Variants in UNC13C observed in about 807,000 individuals in gnomAD.
UNC13C encodes the protein protein unc-13 homolog C.
In UNC13C, 174 loss-of-function variants were observed where a neutral mutation model predicts 245.4. That is an observed-to-expected ratio of 0.71 (90% CI 0.63 to 0.80). The LOEUF is 0.80. Ranked by LOEUF, UNC13C falls within the 30% of genes least tolerant of loss-of-function variation. The pLI, the probability that UNC13C is intolerant of heterozygous loss-of-function variation, is 0.00. For missense variants in UNC13C, 2,829 were observed against 2,602.9 expected (o/e 1.09, Z -1.89); for synonymous variants, 992 against 895.1 (o/e 1.11, Z -1.93).
At chr15:54,599,260 C>T (rs1223110623) in intron 30 of UNC13C, among the ~76,000 whole-genome samples, 1 of 152,028 alleles carries the variant, frequency 6.6e-6, no homozygotes, top group Non-Finnish European at 1.5e-5. Flanking sequence ...ATACAAATCC[C>T]TGCTTCAAGA....
At chr15:53,906,980 A>G in the UNC13C span, among the ~76,000 whole-genome samples, 6 of 144,418 alleles carry the variant, frequency 4.2e-5, no homozygotes, top group Non-Finnish European at 7.8e-5. Context: ...TCATAATCCA[A>G]CCACCCCCCT....
chr15:54,385,380 A>T (rs1368061460), intron 17 of UNC13C, among the ~76,000 whole-genome samples: 1 of 151,096 alleles, frequency 6.6e-6, no homozygotes, highest in Admixed American at 6.6e-5. Flanking sequence ...TAATGAAATC[A>T]TGTCATTTTC....
chr15:54,549,541 G>A (rs1896641095), intron 27 of UNC13C, 94 bp from the exon 28 acceptor site: 1 of 968,902 alleles, frequency 1.0e-6, no homozygotes, highest in South Asian at 1.7e-5. Flanking sequence ...TCTTATAAGG[G>A]AAATAAAGAA....
At chr15:53,970,132 A>ACTCCAACCTTTG in the UNC13C span, among the ~76,000 whole-genome samples, 8 of 148,488 alleles carry the variant, frequency 5.4e-5, no homozygotes, top group Admixed American at 3.4e-4. Flanking sequence ...CTCACTCCTC[A>ACTCCAACCTTTG]CTCCAACCTT....
chr15:54,373,826 G>T (rs2039546796), intron 17 of UNC13C, among the ~76,000 whole-genome samples: 1 of 152,198 alleles, frequency 6.6e-6, no homozygotes, highest in Non-Finnish European at 1.5e-5. Flanking sequence ...CCAAGTTCTT[G>T]TCTCACATCC....
chr15:53,999,813 T>C (rs1220032624), intron 1 of UNC13C, among the ~76,000 whole-genome samples: 2 of 152,020 alleles, frequency 1.3e-5, no homozygotes, highest in Admixed American at 6.5e-5. Context: ...AAGAATGTTG[T>C]TTAACTTTAA....
At chr15:53,850,182 G>A in the UNC13C span, among the ~76,000 whole-genome samples, 1 of 152,076 alleles carries the variant, frequency 6.6e-6, no homozygotes, top group African/African-American at 2.4e-5. Context: ...TTGGGAGGAT[G>A]AGGCAGGAGG....
chr15:53,897,821 T>C, the UNC13C span, among the ~76,000 whole-genome samples: 1 of 152,214 alleles, frequency 6.6e-6, no homozygotes. Flanking sequence ...AAAATCCATT[T>C]AACTTTACCT....
At chr15:54,178,796 G>A (rs1022869864) in intron 4 of UNC13C, among the ~76,000 whole-genome samples, 2 of 152,116 alleles carry the variant, frequency 1.3e-5, no homozygotes, top group African/African-American at 4.8e-5. Flanking sequence ...CATGCTGAAG[G>A]CCTGGGAGCT....
chr15:54,198,492 G>A (rs1282755093), intron 4 of UNC13C, among the ~76,000 whole-genome samples: 1 of 152,152 alleles, frequency 6.6e-6, no homozygotes, highest in Non-Finnish European at 1.5e-5. Flanking sequence ...AGCAGATGCT[G>A]GTATCAACAG....
At chr15:54,519,977 A>T (rs2141130043) in intron 24 of UNC13C, among the ~76,000 whole-genome samples, 1 of 152,338 alleles carries the variant, frequency 6.6e-6, no homozygotes, top group South Asian at 2.1e-4. Flanking sequence ...TTAAAAAGAA[A>T]ACATAAAAAA....
chr15:54,183,441 C>G (rs1046927724), intron 4 of UNC13C, among the ~76,000 whole-genome samples: 1 of 151,120 alleles, frequency 6.6e-6, no homozygotes, highest in Non-Finnish European at 1.5e-5. Context: ...CTTTGCAAAG[C>G]AAAAGATTAT....
chr15:54,496,811 C>T (rs1261580353), intron 20 of UNC13C, among the ~76,000 whole-genome samples: 2 of 147,784 alleles, frequency 1.4e-5, no homozygotes, highest in African/African-American at 2.5e-5. Flanking sequence ...ACTTTGAGGA[C>T]TTGAGGGAAA....
the UNC13C span, among the ~76,000 whole-genome samples, chr15:53,837,898 T>C: frequency 6.6e-6 from 1 of 152,270 alleles, no homozygotes; most frequent in South Asian, 2.1e-4. Flanking sequence ...CACTGTATAG[T>C]ATCTTATTGG....
chr15:54,017,148 A>G (rs1213815256), intron 2 of UNC13C, among the ~76,000 whole-genome samples: 2 of 152,204 alleles, frequency 1.3e-5, no homozygotes, highest in Non-Finnish European at 2.9e-5. Flanking sequence ...AACACAGTTT[A>G]TGTAATTTAT....
At chr15:54,347,247 A>T (rs979731162) in intron 17 of UNC13C, among the ~76,000 whole-genome samples, 15 of 152,268 alleles carry the variant, frequency 9.9e-5, no homozygotes, top group African/African-American at 3.6e-4. Context: ...CCACTCAGCG[A>T]AAGAACTTTT....
At chr15:54,318,988 TA>T (rs1166809434) in intron 13 of UNC13C, among the ~76,000 whole-genome samples, 1 of 151,806 alleles carries the variant, frequency 6.6e-6, no homozygotes, top group Admixed American at 6.6e-5. Context: ...AGGTGGCAGC[TA>T]AAAAAGTAAA....
the UNC13C span, among the ~76,000 whole-genome samples, chr15:53,924,214 C>CAAAACAAACAAACAAAAAACA: frequency 1.3e-5 from 2 of 150,216 alleles, no homozygotes; most frequent in African/African-American, 4.9e-5. Flanking sequence ...CTCAAAAAAA[C>CAAAACAAACAAACAAAAAACA]AAAACAAACA....
chr15:54,120,384 A>G (rs970278003), intron 2 of UNC13C, among the ~76,000 whole-genome samples: 2 of 152,124 alleles, frequency 1.3e-5, no homozygotes, highest in Non-Finnish European at 2.9e-5. Flanking sequence ...TTTATTTGCA[A>G]CGTGGTTTAC....
Sources: allele counts gnomAD v4.1 joint callset (sites outside exome capture counted in the v4.1 genomes callset), GRCh38; gene constraint gnomAD v4.1.1; transcripts MANE v1.5; gene names NCBI Gene and HGNC (gene_info 2026-07-23, HGNC 2026-07-21).